The following NFIX variants were observed in gnomAD, a reference collection of about 807,000 sequenced individuals.
NFIX encodes nuclear factor I X, also known as nuclear factor 1 X-type.
NFIX carries 2 observed loss-of-function variants against 53.3 expected under a neutral mutation model. The observed-to-expected ratio is 0.04, with a 90% confidence interval of 0.02 to 0.12. NFIX has a LOEUF of 0.12. NFIX is among the 10% of genes least tolerant of loss of function. The pLI is 1.00. For synonymous variants in NFIX, 244 were observed against 289.0 expected, an observed-to-expected ratio of 0.84 and a Z score of 1.58; for missense variants, 310 against 674.5, an observed-to-expected ratio of 0.46 and a Z score of 5.99.
rs1318564924 is a variant in NFIX, at chr19:13,089,729, G to T, written c.1403-570G>T. ...CTGGTCCTTGGGCCTGCCCAGAGTG[G>T]TAAGAGGTGTAGCATCTAGCTAGGC... On this transcript the variant is annotated intron_variant, in intron 9 of 10. Coordinates refer to ENST00000592199, the MANE Select transcript of NFIX (RefSeq NM_001365902.3). The surrounding 1 kb of genome is among the most constrained non-coding windows in gnomAD (Gnocchi z 4.8). Among the ~76,000 whole-genome samples, 6 of 152,226 alleles carry T rather than the reference G, an allele frequency of 3.9e-5. No homozygotes were observed. Among genetic ancestry groups the T allele is most frequent in the Non-Finnish European group, 8.8e-5 (6 of 68,018 alleles).
At chr19:13,079,714 C>T (rs932751984) in intron 7 of NFIX, among the ~76,000 whole-genome samples, 2 of 152,310 alleles carry the variant, frequency 1.3e-5, no homozygotes, top group East Asian at 1.9e-4. Context: ...AGCAGGAGGG[C>T]GCAGGCCTGG....
chr19:13,067,126 C>A lies in NFIX; in HGVS notation c.560-5921C>A, dbSNP rs2016453601. 6.6e-6 allele frequency among the ~76,000 whole-genome samples: 1 copy of A among 152,236 alleles called. No homozygotes were observed. Among genetic ancestry groups the A allele is most frequent in the Non-Finnish European group, 1.5e-5 (1 of 68,042 alleles). On this transcript the variant is annotated intron_variant, in intron 2 of 10. Coordinates refer to ENST00000592199, the MANE Select transcript of NFIX (RefSeq NM_001365902.3). The surrounding 1 kb of genome is among the most constrained non-coding windows in gnomAD (Gnocchi z 4.2). ...TCCTGTGCCCTGGACGCTCCAGAATCTCAGAGGAAGCGGGAGAGAAGTAGG... is the reference window on the plus strand; with the variant it reads ...TCCTGTGCCCTGGACGCTCCAGAATATCAGAGGAAGCGGGAGAGAAGTAGG...
rs1212861664 is a variant in NFIX at position 13,097,276 on chromosome 19, G to A, written c.*2627G>A. ...GTCGTTCGTTCTGTTTCGGTGGGAG[G>A]GCTGAAGGAAACGTTCACATTTTAG... is the stretch of plus-strand genomic sequence containing the variant. On this transcript the variant is annotated 3_prime_UTR_variant, in exon 11 of 11. Coordinates refer to ENST00000592199, the MANE Select transcript of NFIX (RefSeq NM_001365902.3). 1 of 148,888 alleles carries A rather than the reference G, an allele frequency of 6.7e-6. No homozygotes were observed. Among genetic ancestry groups the A allele is most frequent in the African/African-American group, 2.5e-5 (1 of 40,200 alleles). 9.2% of individuals were successfully genotyped at this position (148,888 alleles called of 1,614,324 possible).
In NFIX at chr19:13,009,073, G is replaced by A. The variant is rs1414793492; in HGVS notation, c.27+13209G>A. Among the ~76,000 whole-genome samples the A allele has an allele frequency of 6.6e-6, 1 of 152,164 alleles. No homozygotes were observed. Among genetic ancestry groups the A allele is most frequent in the Non-Finnish European group, 1.5e-5 (1 of 68,028 alleles). On this transcript the variant is annotated intron_variant, in intron 1 of 10. Transcript: ENST00000592199. The surrounding 1 kb of genome is among the most constrained non-coding windows in gnomAD (Gnocchi z 4.7). ...CAACGCCCGCAACACCCCGCCACCC[G>A]CAGTCTGTCGCGCAGTGACAGCCTG...
intron 2 of NFIX, among the ~76,000 whole-genome samples, chr19:13,065,496 G>A (rs1187661047): frequency 6.6e-6 from 1 of 152,164 alleles, no homozygotes. Context: ...CTTGCCATGG[G>A]CAGACACAGG....
At chr19:13,087,146 G>A (rs1568330591) in intron 8 of NFIX, among the ~76,000 whole-genome samples, 1 of 152,212 alleles carries the variant, frequency 6.6e-6, no homozygotes, top group African/African-American at 2.4e-5. Context: ...AGGCAGGGGC[G>A]CCTCTGTCTG....
chr19:13,004,292 C>T (rs1237100402), intron 1 of NFIX, among the ~76,000 whole-genome samples: 1 of 152,128 alleles, frequency 6.6e-6, no homozygotes, highest in Non-Finnish European at 1.5e-5. Flanking sequence ...ACTCATTACA[C>T]ATGCACCCAC....
intron 1 of NFIX, among the ~76,000 whole-genome samples, chr19:13,023,804 C>T (rs2013105580): frequency 6.6e-6 from 1 of 150,640 alleles, no homozygotes; most frequent in Non-Finnish European, 1.5e-5. Context: ...TTAATTTCCC[C>T]CTTCTGTGCA....
chr19:13,081,675 T>C lies in NFIX; in HGVS notation c.1079-5T>C. 6.2e-7 allele frequency: 1 copy of C among 1,612,002 alleles called. No homozygotes were observed. The highest frequency in any genetic ancestry group is 2.2e-5 in the East Asian group (1 of 44,840). On this transcript the variant is annotated splice_polypyrimidine_tract_variant and splice_region_variant and intron_variant, in intron 7 of 10. Coordinates refer to ENST00000592199, the MANE Select transcript of NFIX (RefSeq NM_001365902.3). The surrounding 1 kb of genome is among the most constrained non-coding windows in gnomAD (Gnocchi z 4.7). Reference sequence around the variant, plus strand: ...GCCCTTTTTTCCCTGCCCACGTGCATGCAGGGAGCCCCCGGGCCACAGCAT... The same window carrying C: ...GCCCTTTTTTCCCTGCCCACGTGCACGCAGGGAGCCCCCGGGCCACAGCAT...
At chr19:13,030,676 C>G (rs1242087062) in intron 2 of NFIX, among the ~76,000 whole-genome samples, 1 of 152,178 alleles carries the variant, frequency 6.6e-6, no homozygotes, top group Non-Finnish European at 1.5e-5. Context: ...TGGAAGCCCT[C>G]TGGTTTGTTT....
chr19:13,066,000 A>G (rs528458879), intron 2 of NFIX, among the ~76,000 whole-genome samples: 1 of 152,284 alleles, frequency 6.6e-6, no homozygotes, highest in East Asian at 1.9e-4. Context: ...GCTTCTGGCT[A>G]TGAGTCTATC....
In NFIX at chr19:13,021,918, T is replaced by C. The variant is rs1273541507; in HGVS notation, c.28-3103T>C. Reference sequence around the variant, plus strand: ...CCCTTTGCTGTTTTTTGTTGTGTCCTTTCTTAGCTCTTTTCTTTTCATTTG... The same window carrying C: ...CCCTTTGCTGTTTTTTGTTGTGTCCCTTCTTAGCTCTTTTCTTTTCATTTG... On this transcript the variant is annotated intron_variant, in intron 1 of 10. Coordinates refer to ENST00000592199, the MANE Select transcript of NFIX (RefSeq NM_001365902.3). This position sits in a 1 kb window ranked among gnomAD's most constrained non-coding sequence, Gnocchi z 4.2. Among the ~76,000 whole-genome samples the C allele has an allele frequency of 6.6e-6, 1 of 152,198 alleles. No homozygotes were observed. The highest frequency in any genetic ancestry group is 1.5e-5 in the Non-Finnish European group (1 of 68,034).
chr19:13,026,278 C>T (rs2145196873), intron 2 of NFIX, among the ~76,000 whole-genome samples: 1 of 151,910 alleles, frequency 6.6e-6, no homozygotes, highest in East Asian at 1.9e-4. Context: ...GATGGATGCC[C>T]ACAGCCCTGG....
rs770389301 is a variant in NFIX, at chr19:13,085,863, C to T, written c.1255-2126C>T. ...TTAAAGTGCAGCAGGAAGGACAAGTCGATCCCACGTGCTTAGTGGTACTTG... is the reference window on the plus strand; with the variant it reads ...TTAAAGTGCAGCAGGAAGGACAAGTTGATCCCACGTGCTTAGTGGTACTTG... On this transcript the variant is annotated intron_variant, in intron 8 of 10. Coordinates refer to ENST00000592199, the MANE Select transcript of NFIX (RefSeq NM_001365902.3). Among the ~76,000 whole-genome samples the T allele has an allele frequency of 3.7e-4, 57 of 152,244 alleles. 1 individual carries two copies. The highest frequency in any genetic ancestry group is 3.7e-4 in the Non-Finnish European group (25 of 68,048).
intron 1 of NFIX, among the ~76,000 whole-genome samples, chr19:13,003,287 C>G (rs1001490151): frequency 2.0e-5 from 3 of 152,166 alleles, no homozygotes; most frequent in Admixed American, 6.5e-5. Flanking sequence ...CGGCCACACC[C>G]GAACACATCG....
Position 13,060,509 on chromosome 19 carries a change from C to T in NFIX, c.560-12538C>T, listed in dbSNP as rs565932462. Among the ~76,000 whole-genome samples the T allele has an allele frequency of 4.6e-5, 7 of 152,362 alleles. No homozygotes were observed. The South Asian group carries it at 1.4e-3, about 32-fold the overall frequency. ...CTGTGTGCAGAATCTACCCCGAAAC[C>T]TATAGCTTAGGAGAAGCCTGGGTAA... On this transcript the variant is annotated intron_variant, in intron 2 of 10. Transcript: ENST00000592199. This position sits in a 1 kb window ranked among gnomAD's most constrained non-coding sequence, Gnocchi z 4.3.
intron 1 of NFIX, chr19:13,024,525 C>T (rs2013159844): frequency 3.3e-6 from 5 of 1,521,568 alleles, no homozygotes; most frequent in South Asian, 1.2e-5. Context: ...CGACCGGTGT[C>T]GGGGACCAGA....
intron 2 of NFIX, among the ~76,000 whole-genome samples, chr19:13,055,181 G>C (rs911443231): frequency 6.6e-6 from 1 of 151,666 alleles, no homozygotes; most frequent in Non-Finnish European, 1.5e-5. Flanking sequence ...GGACCTGTCT[G>C]TGCCCTCCTG....
chr19:13,016,086 A>G (rs2012651364), intron 1 of NFIX, among the ~76,000 whole-genome samples: 1 of 152,200 alleles, frequency 6.6e-6, no homozygotes, highest in African/African-American at 2.4e-5. Flanking sequence ...ACTTTGTGAA[A>G]GTGTATCAAG....
Sources: allele counts gnomAD v4.1 joint callset (sites outside exome capture counted in the v4.1 genomes callset), GRCh38; gene constraint gnomAD v4.1.1; non-coding constraint Gnocchi (gnomAD v3.1); transcripts MANE v1.5; gene names NCBI Gene and HGNC (gene_info 2026-07-23, HGNC 2026-07-21).